Variants in JAKMIP3 observed in about 807,000 individuals in gnomAD.
JAKMIP3 encodes the protein Janus kinase and microtubule interacting protein 3.
Under a neutral mutation model 118.5 loss-of-function variants are expected in JAKMIP3, and 58 were observed. The observed-to-expected ratio is 0.49, with a 90% CI of 0.40 to 0.61. JAKMIP3 has a LOEUF of 0.61. Ranked by LOEUF, JAKMIP3 falls within the 20% of genes least tolerant of loss-of-function variation. The pLI is 0.00. For missense variants in JAKMIP3, 950 were observed against 1,109.0 expected (o/e 0.86, Z 2.04); for synonymous variants, 486 against 451.2 (o/e 1.08, Z -0.98).
At chr10:132,089,829 G>T (rs915399039) in intron 1 of JAKMIP3, among the ~76,000 whole-genome samples, 2 of 152,180 alleles carry the variant, frequency 1.3e-5, no homozygotes, top group Non-Finnish European at 2.9e-5. Context: ...CATTCAGTAT[G>T]ATATTGTCTG....
intron 1 of JAKMIP3, among the ~76,000 whole-genome samples, chr10:132,041,134 C>T (rs2037732525): frequency 6.6e-6 from 1 of 152,182 alleles, no homozygotes; most frequent in Admixed American, 6.5e-5. Flanking sequence ...CAGCTCACTG[C>T]AACCTCTGCC....
intron 1 of JAKMIP3, among the ~76,000 whole-genome samples, chr10:132,088,314 A>C (rs1403913088): frequency 2.0e-5 from 3 of 152,212 alleles, no homozygotes; most frequent in Admixed American, 2.0e-4. Context: ...ACTACTTTAC[A>C]GTCCCACCAA....
intron 2 of JAKMIP3, among the ~76,000 whole-genome samples, chr10:132,109,015 A>G (rs1239851777): frequency 6.7e-6 from 1 of 149,300 alleles, no homozygotes; most frequent in Admixed American, 6.7e-5. Context: ...AAATGTATAT[A>G]TGTATACAAA....
intron 11 of JAKMIP3, among the ~76,000 whole-genome samples, chr10:132,142,720 G>A (rs985296928): frequency 5.9e-5 from 9 of 152,220 alleles, no homozygotes; most frequent in Non-Finnish European, 1.3e-4. Context: ...ACTGAGGCTC[G>A]GAGGGGAAGC....
intron 19 of JAKMIP3, among the ~76,000 whole-genome samples, chr10:132,161,902 T>A (rs1406388999): frequency 8.1e-6 from 1 of 122,786 alleles, no homozygotes; most frequent in African/African-American, 2.5e-5. Flanking sequence ...GGGGGGCCAC[T>A]TCCTGTTTGA....
intron 22 of JAKMIP3, 77 bp from the exon 23 acceptor site, chr10:132,167,876 C>T (rs1204529624): frequency 4.4e-6 from 5 of 1,133,012 alleles, no homozygotes; most frequent in African/African-American, 1.6e-5. Flanking sequence ...CCTCGCCCCT[C>T]GCCCCTCGGC....
At chr10:132,146,887 C>T (rs2054724223) in intron 13 of JAKMIP3, among the ~76,000 whole-genome samples, 1 of 152,244 alleles carries the variant, frequency 6.6e-6, no homozygotes, top group African/African-American at 2.4e-5. Flanking sequence ...AATGCCGGCA[C>T]AGGCAGAGAT....
At chr10:132,149,594 TCC>T (rs2055499847) in intron 15 of JAKMIP3, 84 bp downstream of exon 15, 26 of 158,444 alleles carry the variant, frequency 1.6e-4, no homozygotes, top group Non-Finnish European at 2.4e-4. Context: ...CCCACCCCCC[TCC>T]GCCCCCGCCC....
Position 132,168,328 on chromosome 10 carries a change from G to T in JAKMIP3, c.*398G>T, listed in dbSNP as rs1225347771. On this transcript the variant is annotated 3_prime_UTR_variant, in exon 23 of 24. Coordinates refer to ENST00000684848, the MANE Select transcript of JAKMIP3 (RefSeq NM_001323087.2). ...GCCGCGGGTCCCCTCCTCTCTCTTG[G>T]TTCTCACAGTAGCTGCCACTGGTGT... 7.8e-7 allele frequency: 1 copy of T among 1,289,492 alleles called. No homozygotes were observed. Among genetic ancestry groups the T allele is most frequent in the East Asian group, 5.6e-5 (1 of 18,010 alleles). 79.9% of individuals were successfully genotyped at this position (1,289,492 alleles called of 1,614,324 possible). A position where few individuals can be genotyped will look rare whatever the true frequency, so the allele number is the denominator to read the frequency against.
chr10:132,129,038 T>C (rs1297697180), intron 3 of JAKMIP3, among the ~76,000 whole-genome samples: 2 of 152,242 alleles, frequency 1.3e-5, no homozygotes, highest in Non-Finnish European at 2.9e-5. Flanking sequence ...ATTTTCATTA[T>C]ATTCTTGGCA....
intron 23 of JAKMIP3, among the ~76,000 whole-genome samples, chr10:132,180,894 T>C (rs902765692): frequency 6.6e-6 from 1 of 152,012 alleles, no homozygotes; most frequent in African/African-American, 2.4e-5. Context: ...TGTATGTGTA[T>C]GTGTTGTGCA....
intron 1 of JAKMIP3, among the ~76,000 whole-genome samples, chr10:132,079,918 G>A (rs1337504886): frequency 6.6e-6 from 1 of 152,226 alleles, no homozygotes; most frequent in Non-Finnish European, 1.5e-5. Context: ...CATCTGTCAA[G>A]GGACATTTGG....
upstream of JAKMIP3, among the ~76,000 whole-genome samples, chr10:132,036,563 G>A (rs1161086726): frequency 6.6e-6 from 1 of 151,846 alleles, no homozygotes; most frequent in Admixed American, 6.6e-5. Flanking sequence ...CGCGGCGGGG[G>A]CCGTCGCCGA....
intron 1 of JAKMIP3, among the ~76,000 whole-genome samples, chr10:132,055,826 G>A (rs909647146): frequency 1.3e-5 from 2 of 152,190 alleles, no homozygotes; most frequent in Admixed American, 6.5e-5. Flanking sequence ...GAGGTGCAGA[G>A]AGCCCAGTAA....
At chr10:132,143,149 G>C (rs902654812) in intron 11 of JAKMIP3, among the ~76,000 whole-genome samples, 3 of 151,048 alleles carry the variant, frequency 2.0e-5, no homozygotes, top group Non-Finnish European at 3.0e-5. Context: ...AGTCGGGGTG[G>C]GGGGGGCTGG....
rs1213365367 is a variant in JAKMIP3 at position 132,159,086 on chromosome 10, G to A, written c.2221-4123G>A. 2.2e-5 allele frequency among the ~76,000 whole-genome samples: 3 copies of A among 137,974 alleles called. No homozygotes were observed. The East Asian group carries it at 6.7e-4, about 31-fold the overall frequency. The allele number at this position is 137,974 out of a possible 152,430, so 90.5% of individuals were successfully genotyped here. A position where few individuals can be genotyped will look rare whatever the true frequency, so the allele number is the denominator to read the frequency against. Reference sequence around the variant, plus strand: ...TCTCCCTGTGTGACGCTGGGGTTGTGTCTTCCCGTGTGATTCTGGGGGCGT... The same window carrying A: ...TCTCCCTGTGTGACGCTGGGGTTGTATCTTCCCGTGTGATTCTGGGGGCGT... On this transcript the variant is annotated intron_variant, in intron 19 of 23. Transcript: ENST00000684848.
In JAKMIP3 at chr10:132,112,778, T is replaced by G. The variant is rs566524537; in HGVS notation, c.136-4299T>G. Among the ~76,000 whole-genome samples, 1 of 152,090 alleles carries G rather than the reference T, an allele frequency of 6.6e-6. No homozygotes were observed. Among genetic ancestry groups the G allele is most frequent in the Non-Finnish European group, 1.5e-5 (1 of 68,008 alleles). On this transcript the variant is annotated intron_variant, in intron 2 of 23. Transcript: ENST00000684848. The surrounding 1 kb of genome is among the most constrained non-coding windows in gnomAD (Gnocchi z 4.3). ...GGACAGGGCAGCTCTCCACCTCCCC[T>G]TGGACACCGGCTCACATGGTGGACG...
chr10:132,059,031 C>T (rs1320767687), intron 1 of JAKMIP3, among the ~76,000 whole-genome samples: 4 of 152,242 alleles, frequency 2.6e-5, no homozygotes, highest in Admixed American at 6.5e-5. Context: ...TTGGAGCCGT[C>T]GGATGCCCGG....
chr10:132,177,867 A>G lies in JAKMIP3; in HGVS notation c.*1104-4490A>G, dbSNP rs531488685. On this transcript the variant is annotated intron_variant, in intron 23 of 23. Transcript: ENST00000684848. ...CCCTGGGTAGTGTGCGTGTGTGTGC[A>G]CCTGCTCTTGTGCCCTGGGTAGTGC... Among the ~76,000 whole-genome samples, 24 of 132,082 alleles carry G rather than the reference A, an allele frequency of 1.8e-4. No homozygotes were observed. In the East Asian group the frequency reaches 4.3e-3, roughly 23 times the overall value. 86.7% of individuals were successfully genotyped at this position (132,082 alleles called of 152,430 possible).
Sources: gnomAD v4.1 joint callset for allele counts (sites outside exome capture counted in the v4.1 genomes callset) on GRCh38, gnomAD v4.1.1 for gene constraint, Gnocchi (gnomAD v3.1) non-coding constraint, MANE v1.5 for transcripts, NCBI Gene and HGNC (gene_info 2026-07-23, HGNC 2026-07-21) for gene names.